POF1B: variants seen among roughly 807,000 people sequenced by gnomAD.
The protein encoded by POF1B is protein POF1B.
Under a neutral mutation model 55.3 loss-of-function variants are expected in POF1B, and 53 were observed. That is an observed-to-expected ratio of 0.96 (90% CI 0.77 to 1.20). The LOEUF (loss-of-function observed/expected upper bound fraction) is 1.20, where lower values mean the gene tolerates loss of function less well. Among genes scored for constraint, POF1B ranks in the 50% most tolerant of loss-of-function variants. The pLI is 0.00. For synonymous variants in POF1B, 188 were observed against 148.3 expected (o/e 1.27, Z -1.95); for missense variants, 478 against 420.5 (o/e 1.14, Z -1.20).
At chrX:85,373,963 G>A (rs1246819257) in intron 2 of POF1B, among the ~76,000 whole-genome samples, 1 of 111,116 alleles carries the variant, frequency 9.0e-6, no homozygotes, top group Non-Finnish European at 1.9e-5. Flanking sequence ...GACACCAGAA[G>A]GAGAGTTCCA....
chrX:85,282,352 A>G (rs770905098), intron 15 of POF1B, 35 bp from the exon 16 acceptor site: 4 of 973,144 alleles, frequency 4.1e-6, no homozygotes, highest in South Asian at 5.6e-5. Context: ...TACAGGCTGC[A>G]TGAGAAAATA....
intron 15 of POF1B, among the ~76,000 whole-genome samples, chrX:85,285,763 C>T (rs983604183): frequency 1.8e-5 from 2 of 110,870 alleles, no homozygotes; most frequent in Non-Finnish European, 3.8e-5. Flanking sequence ...AACAATCCTG[C>T]ACATTGTGCA....
chrX:85,293,908 TG>T (rs1455280218), intron 15 of POF1B, among the ~76,000 whole-genome samples: 2 of 107,836 alleles, frequency 1.9e-5, no homozygotes, highest in Admixed American at 2.0e-4. Flanking sequence ...TGGGAATCAG[TG>T]GTTGCAGTGA....
intron 5 of POF1B, among the ~76,000 whole-genome samples, chrX:85,348,305 T>A (rs1272817739): frequency 9.0e-6 from 1 of 111,309 alleles, no homozygotes; most frequent in Non-Finnish European, 1.9e-5. Flanking sequence ...AAATATATAG[T>A]AAGCTGAATT....
chrX:85,310,071 C>G (rs1932663490), intron 9 of POF1B, among the ~76,000 whole-genome samples: 1 of 111,535 alleles, frequency 9.0e-6, no homozygotes, highest in South Asian at 3.8e-4. Context: ...ATAAAAATGG[C>G]CAGGTCTCCC....
At chrX:85,323,844 G>A (rs1428713370) in intron 7 of POF1B, among the ~76,000 whole-genome samples, 4 of 110,725 alleles carry the variant, frequency 3.6e-5, no homozygotes, top group African/African-American at 9.8e-5. Context: ...TTTTTGATAT[G>A]GGAGGTTAGT....
intron 8 of POF1B, 122 bp from the exon 9 acceptor site, chrX:85,314,628 G>T: frequency 2.5e-6 from 1 of 395,404 alleles, no homozygotes; most frequent in Non-Finnish European, 4.0e-6. Context: ...CACTTTTTGA[G>T]AAACAGTTTC....
intron 6 of POF1B, among the ~76,000 whole-genome samples, chrX:85,334,541 A>T (rs1396991831): frequency 9.0e-6 from 1 of 111,382 alleles, no homozygotes; most frequent in Non-Finnish European, 1.9e-5. Context: ...TAATTGCCAA[A>T]CAGTCTAATT....
At chrX:85,283,312 G>A (rs1931951787) in intron 15 of POF1B, among the ~76,000 whole-genome samples, 2 of 110,526 alleles carry the variant, frequency 1.8e-5, no homozygotes, top group Admixed American at 9.7e-5. Context: ...AGGTAAATGT[G>A]CATCTATTAG....
At chrX:85,310,142 G>C (rs2147908194) in intron 9 of POF1B, among the ~76,000 whole-genome samples, 1 of 112,157 alleles carries the variant, frequency 8.9e-6, no homozygotes, top group African/African-American at 3.2e-5. Flanking sequence ...GATCAGACAT[G>C]TTCAGGGTCA....
rs145945468 is a variant in POF1B, at chrX:85,362,968, G to T, written c.358-3338C>A. 9.2e-4 allele frequency among the ~76,000 whole-genome samples: 102 copies of T among 110,809 alleles called. 1 individual carries two copies. The East Asian group carries it at 0.028, about 31-fold the overall frequency. The stretch of plus-strand genomic sequence containing the variant: ...GAGATTCAATTTTTTTCCTGCTTCA[G>T]TCTTGGGAGGAAAAATGTGTCCAGG... On this transcript the variant is annotated intron_variant, in intron 3 of 16. Coordinates refer to ENST00000262753, the MANE Select transcript of POF1B (RefSeq NM_024921.4).
At chrX:85,290,441 G>T (rs560835078) in intron 15 of POF1B, among the ~76,000 whole-genome samples, 1 of 111,435 alleles carries the variant, frequency 9.0e-6, no homozygotes, top group East Asian at 2.8e-4. Context: ...TCTTTGGGTA[G>T]AATGCTTTTT....
chrX:85,291,943 A>C (rs1482996995), intron 15 of POF1B, among the ~76,000 whole-genome samples: 1 of 110,930 alleles, frequency 9.0e-6, no homozygotes, highest in Non-Finnish European at 1.9e-5. Context: ...CCTGTTCAGT[A>C]CTTGAATGTA....
chrX:85,336,012 C>A lies in POF1B; in HGVS notation c.724-4933G>T, dbSNP rs778251752. Among the ~76,000 whole-genome samples the A allele has an allele frequency of 1.7e-4, 19 of 110,227 alleles. 1 individual carries two copies. The highest frequency in any genetic ancestry group is 3.4e-4 in the Non-Finnish European group (18 of 52,472). On this transcript the variant is annotated intron_variant, in intron 6 of 16. Transcript: ENST00000262753. ...TACTCTCTCACCCCCGCCCCACTAA[C>A]CTTCTCAACCTCTGGTAACCATACT...
chrX:85,336,023 T>C (rs369588171), intron 6 of POF1B, among the ~76,000 whole-genome samples: 22 of 110,553 alleles, frequency 2.0e-4, no homozygotes, highest in African/African-American at 6.9e-4. Context: ...CTTCTCAACC[T>C]CTGGTAACCA....
intron 7 of POF1B, among the ~76,000 whole-genome samples, chrX:85,316,805 C>T (rs761360952): frequency 9.1e-6 from 1 of 110,028 alleles, no homozygotes; most frequent in South Asian, 3.9e-4. Context: ...GTTTGGTGTA[C>T]AAATGATTTC....
At position 85,282,256 on chromosome X, in the gene POF1B, C is replaced by CGG. The variant is rs1931919371; in HGVS notation, c.1710_1711insCC (p.Gly571ProfsTer9). On this transcript the variant is annotated frameshift_variant, in exon 16 of 17. Transcript: ENST00000262753. LOFTEE classifies it high-confidence loss of function. ...ATCACAATAGTCTGTGTTTCACTAC[C>CGG]TGGTGGTATATATTCGTAGTCATCA... 8.4e-7 allele frequency: 1 copy of CGG among 1,191,502 alleles called. No individual in the cohort carries two copies. Among genetic ancestry groups the CGG allele is most frequent in the Non-Finnish European group, 1.1e-6 (1 of 883,734 alleles).
intron 6 of POF1B, among the ~76,000 whole-genome samples, chrX:85,344,865 C>T (rs1036218874): frequency 3.6e-5 from 4 of 111,606 alleles, no homozygotes; most frequent in Admixed American, 9.6e-5. Context: ...GATCCTCCAG[C>T]CTTGGCCTAC....
chrX:85,377,292 A>C (rs1055090284), intron 2 of POF1B, among the ~76,000 whole-genome samples: 1 of 111,555 alleles, frequency 9.0e-6, no homozygotes, highest in African/African-American at 3.3e-5. Flanking sequence ...AACAGGGAGA[A>C]AGGAAAATAA....
Sources: gnomAD v4.1 joint callset for allele counts (sites outside exome capture counted in the v4.1 genomes callset) on GRCh38, gnomAD v4.1.1 for gene constraint, MANE v1.5 for transcripts, NCBI Gene and HGNC (gene_info 2026-07-23, HGNC 2026-07-21) for gene names.